Variants in SLC9A9 observed in about 807,000 individuals in gnomAD.
The protein encoded by SLC9A9 is sodium/hydrogen exchanger 9.
SLC9A9 carries 62 observed loss-of-function variants against 77.8 expected under a neutral mutation model. The ratio of observed to expected loss-of-function variants is 0.80; its 90% confidence interval spans 0.65 to 0.98. SLC9A9 has a LOEUF of 0.98. Among genes scored for constraint, SLC9A9 ranks in the 50% least tolerant of loss-of-function variants. SLC9A9 has a pLI of 0.00. For synonymous variants in SLC9A9, 320 were observed against 283.5 expected (o/e 1.13, Z -1.29); for missense variants, 775 against 774.9 (o/e 1.00, Z 0.00).
At chr3:143,606,196 G>A (rs1207240631) in intron 6 of SLC9A9, among the ~76,000 whole-genome samples, 1 of 151,992 alleles carries the variant, frequency 6.6e-6, no homozygotes, top group African/African-American at 2.4e-5. Context: ...CCTGAGGTCA[G>A]GAGTTCGATA....
chr3:143,341,810 T>G (rs1474582083), intron 14 of SLC9A9, among the ~76,000 whole-genome samples: 1 of 152,220 alleles, frequency 6.6e-6, no homozygotes, highest in Non-Finnish European at 1.5e-5. Context: ...ATATTTTCCC[T>G]GTAGTGTTTA....
At chr3:143,282,754 ATG>A (rs1938261718) in intron 14 of SLC9A9, among the ~76,000 whole-genome samples, 1 of 152,224 alleles carries the variant, frequency 6.6e-6, no homozygotes, top group African/African-American at 2.4e-5. Flanking sequence ...TGGTGGCATC[ATG>A]GAGCTCTGTT....
At chr3:143,687,313 A>G (rs534759167) in intron 5 of SLC9A9, among the ~76,000 whole-genome samples, 1 of 152,304 alleles carries the variant, frequency 6.6e-6, no homozygotes, top group Non-Finnish European at 1.5e-5. Context: ...CCTGCAGAGC[A>G]TAGGTTTCCT....
intron 8 of SLC9A9, among the ~76,000 whole-genome samples, chr3:143,554,691 C>T (rs1000649039): frequency 1.3e-5 from 2 of 152,154 alleles, no homozygotes; most frequent in Admixed American, 1.3e-4. Context: ...TCTCTTCCTG[C>T]CCCTTCCCCA....
At chr3:143,422,997 T>C (rs964037230) in intron 12 of SLC9A9, among the ~76,000 whole-genome samples, 2 of 152,276 alleles carry the variant, frequency 1.3e-5, no homozygotes. Flanking sequence ...CATCGACTTT[T>C]TCCTTGAGCC....
intron 14 of SLC9A9, among the ~76,000 whole-genome samples, chr3:143,281,677 A>G (rs972806337): frequency 3.9e-5 from 6 of 152,206 alleles, no homozygotes; most frequent in Admixed American, 1.3e-4. Context: ...CTTTAGATCA[A>G]GATTCAGGCC....
At chr3:143,802,544 G>GA (rs2008592285) in intron 2 of SLC9A9, among the ~76,000 whole-genome samples, 2 of 152,178 alleles carry the variant, frequency 1.3e-5, no homozygotes, top group Non-Finnish European at 2.9e-5. Flanking sequence ...CAGGGTCTGA[G>GA]AAGGCCACCG....
At chr3:143,534,089 T>C (rs540622565) in intron 9 of SLC9A9, among the ~76,000 whole-genome samples, 6 of 152,302 alleles carry the variant, frequency 3.9e-5, no homozygotes, top group African/African-American at 1.4e-4. Context: ...ATTTTATACA[T>C]TGAAAATTAA....
chr3:143,279,976 T>C (rs2108405167), intron 14 of SLC9A9, among the ~76,000 whole-genome samples: 1 of 152,292 alleles, frequency 6.6e-6, no homozygotes, highest in African/African-American at 2.4e-5. Context: ...TGTGCCATGA[T>C]ACCCAGTGAA....
intron 12 of SLC9A9, among the ~76,000 whole-genome samples, chr3:143,443,162 G>T (rs140755333): frequency 2.6e-5 from 4 of 152,142 alleles, no homozygotes; most frequent in Non-Finnish European, 4.4e-5. Context: ...TTAGGGCTTG[G>T]GGGTGTGGGG....
At chr3:143,429,212 G>C (rs146825927) in intron 12 of SLC9A9, among the ~76,000 whole-genome samples, 17 of 152,320 alleles carry the variant, frequency 1.1e-4, no homozygotes, top group African/African-American at 3.6e-4. Context: ...CCTCCCAGGA[G>C]AGCTTAGAGT....
intron 4 of SLC9A9, among the ~76,000 whole-genome samples, chr3:143,722,042 G>A (rs980027708): frequency 6.6e-6 from 1 of 151,894 alleles, no homozygotes; most frequent in African/African-American, 2.4e-5. Flanking sequence ...GTGAACAAAG[G>A]GTAGCAGTCA....
chr3:143,689,842 A>G (rs898229182), intron 5 of SLC9A9, among the ~76,000 whole-genome samples: 1 of 152,160 alleles, frequency 6.6e-6, no homozygotes, highest in Non-Finnish European at 1.5e-5. Flanking sequence ...CTTAAATTTA[A>G]AAATAGAAGG....
intron 12 of SLC9A9, among the ~76,000 whole-genome samples, chr3:143,420,321 C>T (rs1007422183): frequency 6.6e-5 from 10 of 152,174 alleles, no homozygotes; most frequent in Non-Finnish European, 1.5e-4. Flanking sequence ...GTACAATAGG[C>T]ATCCAATCAA....
intron 12 of SLC9A9, among the ~76,000 whole-genome samples, chr3:143,406,996 A>G (rs28441179): frequency 6.7e-6 from 1 of 149,400 alleles, no homozygotes; most frequent in East Asian, 1.9e-4. Flanking sequence ...AAAAAAAAAA[A>G]GAAAAAGAAA....
intron 12 of SLC9A9, among the ~76,000 whole-genome samples, chr3:143,413,817 C>T (rs755374838): frequency 5.9e-5 from 9 of 151,856 alleles, no homozygotes; most frequent in Admixed American, 2.0e-4. Context: ...TACGTGCGTG[C>T]GCATGCATGT....
At chr3:143,369,251 G>C (rs1386078299) in intron 13 of SLC9A9, among the ~76,000 whole-genome samples, 1 of 152,182 alleles carries the variant, frequency 6.6e-6, no homozygotes, top group East Asian at 1.9e-4. Context: ...TGGTCTTAAA[G>C]TGTATATCTA....
chr3:143,584,840 G>T (rs948622366), intron 6 of SLC9A9, among the ~76,000 whole-genome samples: 3 of 152,152 alleles, frequency 2.0e-5, no homozygotes, highest in African/African-American at 7.2e-5. Flanking sequence ...AATCTTCAAA[G>T]GTGGATTCCT....
intron 2 of SLC9A9, among the ~76,000 whole-genome samples, chr3:143,809,993 A>T (rs969151962): frequency 2.0e-5 from 3 of 152,222 alleles, no homozygotes; most frequent in Admixed American, 2.0e-4. Flanking sequence ...ATTTGGAGCA[A>T]CAGACCTCCA....
Sources: gnomAD v4.1 joint callset for allele counts (sites outside exome capture counted in the v4.1 genomes callset) on GRCh38, gnomAD v4.1.1 for gene constraint, MANE v1.5 for transcripts, NCBI Gene and HGNC (gene_info 2026-07-23, HGNC 2026-07-21) for gene names.